The following M1AP variants were observed in gnomAD, a reference collection of about 807,000 sequenced individuals.
M1AP encodes meiosis 1 arrest protein.
Under a neutral mutation model 51.2 loss-of-function variants are expected in M1AP, and 39 were observed. That is an observed-to-expected ratio of 0.76 (90% CI 0.59 to 1.00). The LOEUF (loss-of-function observed/expected upper bound fraction) is 1.00. Among genes scored for constraint, M1AP ranks in the 50% least tolerant of loss-of-function variants. The pLI is 0.00. For synonymous variants in M1AP, 251 were observed against 249.2 expected (o/e 1.01, Z -0.07); for missense variants, 545 against 641.2 (o/e 0.85, Z 1.62).
chr2:74,622,514 C>T (rs1343447612), intron 2 of M1AP, among the ~76,000 whole-genome samples: 1 of 147,214 alleles, frequency 6.8e-6, no homozygotes, highest in African/African-American at 2.5e-5. Context: ...GGATTACAGG[C>T]GTGAGCCACC....
chr2:74,584,828 ATT>A (rs1491361664), intron 4 of M1AP, among the ~76,000 whole-genome samples: 3 of 141,610 alleles, frequency 2.1e-5, no homozygotes, highest in South Asian at 4.5e-4. Flanking sequence ...ATATATATAT[ATT>A]TTATTATTAT....
At chr2:74,647,557 A>C (rs1191641279) in intron 1 of M1AP, 1 of 260,266 alleles carries the variant, frequency 3.8e-6, no homozygotes. Context: ...AAAAAAATCA[A>C]AACACTTTCT....
intron 8 of M1AP, among the ~76,000 whole-genome samples, chr2:74,561,443 G>T (rs1012787653): frequency 6.6e-6 from 1 of 151,620 alleles, no homozygotes; most frequent in Non-Finnish European, 1.5e-5. Context: ...AATGCAGACA[G>T]ACCCCTAAGA....
chr2:74,637,810 T>C (rs1288446205), intron 2 of M1AP, among the ~76,000 whole-genome samples: 5 of 152,212 alleles, frequency 3.3e-5, no homozygotes, highest in African/African-American at 1.2e-4. Context: ...GCTCCTTCTT[T>C]GGCCTTGGGT....
intron 1 of M1AP, among the ~76,000 whole-genome samples, chr2:74,641,571 C>T (rs562019331): frequency 6.6e-6 from 1 of 152,006 alleles, no homozygotes; most frequent in East Asian, 1.9e-4. Flanking sequence ...AAATATCTTC[C>T]CACAAGTAAG....
intron 1 of M1AP, among the ~76,000 whole-genome samples, chr2:74,645,190 T>C (rs755373094): frequency 6.6e-6 from 1 of 151,704 alleles, no homozygotes; most frequent in Non-Finnish European, 1.5e-5. Flanking sequence ...TAACACTCAC[T>C]GCAAAGGTCT....
chr2:74,613,458 C>G (rs1681486663), intron 3 of M1AP, among the ~76,000 whole-genome samples: 1 of 152,166 alleles, frequency 6.6e-6, no homozygotes, highest in Admixed American at 6.5e-5. Context: ...ACTTATGCCT[C>G]TGGACTGTGA....
chr2:74,604,010 T>A (rs999161278), intron 4 of M1AP, among the ~76,000 whole-genome samples: 1 of 152,188 alleles, frequency 6.6e-6, no homozygotes, highest in African/African-American at 2.4e-5. Context: ...GAATGTTGGA[T>A]GAATTAAAAC....
chr2:74,561,193 G>GAGGAGA, intron 8 of M1AP, among the ~76,000 whole-genome samples: 9 of 143,186 alleles, frequency 6.3e-5, no homozygotes, highest in Non-Finnish European at 1.2e-4. Flanking sequence ...GAAGGAGGAG[G>GAGGAGA]AGGAGAAGGA....
intron 7 of M1AP, among the ~76,000 whole-genome samples, chr2:74,572,420 A>G (rs1236713722): frequency 2.6e-5 from 4 of 152,166 alleles, no homozygotes; most frequent in African/African-American, 9.6e-5. Context: ...TCCTGGGCTC[A>G]GGCAAGCCTT....
intron 4 of M1AP, among the ~76,000 whole-genome samples, chr2:74,606,220 C>T (rs1680987588): frequency 6.6e-6 from 1 of 152,142 alleles, no homozygotes; most frequent in African/African-American, 2.4e-5. Flanking sequence ...TGCACAAATT[C>T]AAAGATAAAA....
intron 4 of M1AP, among the ~76,000 whole-genome samples, chr2:74,591,421 G>A (rs1166684546): frequency 6.6e-6 from 1 of 152,140 alleles, no homozygotes; most frequent in Non-Finnish European, 1.5e-5. Context: ...TTTTTCTACA[G>A]GGACTAATAC....
Position 74,562,981 on chromosome 2 carries a change from T to C in M1AP, c.1075-558A>G, listed in dbSNP as rs116360795. On this transcript the variant is annotated intron_variant, in intron 7 of 10. Coordinates refer to ENST00000421985, the MANE Select transcript of M1AP (RefSeq NM_001321739.2). ...GACTTGTATGGGGTGTTGTCTGTTG[T>C]AGAAATTCAGTTCTTCTTTTGAGGG... Among the ~76,000 whole-genome samples, 325 of 152,264 alleles carry C rather than the reference T, an allele frequency of 2.1e-3. 2 individuals carry two copies. The highest frequency in any genetic ancestry group is 7.6e-3 in the African/African-American group (314 of 41,538).
At chr2:74,576,896 C>T in intron 5 of M1AP, 1 of 1,156,576 alleles carries the variant, frequency 8.6e-7, no homozygotes, top group Non-Finnish European at 1.1e-6. Context: ...TGTTTTACTT[C>T]TGGGCTGGCT....
intron 1 of M1AP, among the ~76,000 whole-genome samples, chr2:74,645,863 A>G (rs1048929732): frequency 2.0e-5 from 3 of 152,178 alleles, no homozygotes; most frequent in Admixed American, 1.3e-4. Context: ...TAAAAAAATA[A>G]AGTAGAGGCA....
intron 4 of M1AP, among the ~76,000 whole-genome samples, chr2:74,599,459 AT>A (rs1038715444): frequency 1.3e-5 from 2 of 151,862 alleles, no homozygotes; most frequent in African/African-American, 4.8e-5. Flanking sequence ...AGGTAGGAAT[AT>A]TTTTTCCTAT....
intron 4 of M1AP, among the ~76,000 whole-genome samples, chr2:74,584,558 A>G (rs1461289341): frequency 1.3e-5 from 2 of 151,684 alleles, no homozygotes. Flanking sequence ...AAAAGAAGTA[A>G]GTGTTTCTTT....
chr2:74,596,681 T>C (rs1252301330), intron 4 of M1AP, among the ~76,000 whole-genome samples: 1 of 152,332 alleles, frequency 6.6e-6, no homozygotes, highest in African/African-American at 2.4e-5. Flanking sequence ...CAGACATTCA[T>C]AGCAGCTTTC....
chr2:74,581,039 TG>T (rs1034543322), intron 5 of M1AP, among the ~76,000 whole-genome samples: 16 of 152,134 alleles, frequency 1.1e-4, no homozygotes, highest in Admixed American at 1.0e-3. Context: ...TGTCATCTAG[TG>T]GGACCTGGAA....
Sources: allele counts gnomAD v4.1 joint callset (sites outside exome capture counted in the v4.1 genomes callset), GRCh38; gene constraint gnomAD v4.1.1; transcripts MANE v1.5; gene names NCBI Gene and HGNC (gene_info 2026-07-23, HGNC 2026-07-21).